ALDH3A1: variants seen among roughly 807,000 people sequenced by gnomAD.
The protein encoded by ALDH3A1 is aldehyde dehydrogenase, dimeric NADP-preferring.
A neutral mutation model predicts 49.9 loss-of-function variants in ALDH3A1; 46 were observed. That is an observed-to-expected ratio of 0.92 (90% CI 0.73 to 1.18). The LOEUF (loss-of-function observed/expected upper bound fraction) is 1.18, where lower values mean the gene tolerates loss of function less well. Among genes scored for constraint, ALDH3A1 ranks in the 50% most tolerant of loss-of-function variants. ALDH3A1 has a pLI of 0.00. For synonymous variants in ALDH3A1, 269 were observed against 253.3 expected (o/e 1.06, Z -0.59); for missense variants, 592 against 611.8 (o/e 0.97, Z 0.34).
rs555443127 is a variant in ALDH3A1, at chr17:19,738,156, C to T, written c.*65G>A. 1.2e-6 allele frequency: 2 copies of T among 1,611,876 alleles called. No homozygotes were observed. Among genetic ancestry groups the T allele is most frequent in the African/African-American group, 1.3e-5 (1 of 74,990 alleles). On this transcript the variant is annotated 3_prime_UTR_variant, in exon 11 of 11. Transcript: ENST00000225740. ...AGCGATTCTCCCAGGGCCAGGAGAG[C>T]CAGTGAGGGTGGTCCGCACTCCGAT... is the stretch of plus-strand genomic sequence containing the variant.
At chr17:19,746,618 TGTGTGCGTGTGTGTGTGTGC>T (rs1467328080) in intron 1 of ALDH3A1, among the ~76,000 whole-genome samples, 1 of 149,144 alleles carries the variant, frequency 6.7e-6, no homozygotes, top group African/African-American at 2.5e-5. Flanking sequence ...TGCATGTGTG[TGTGTGCGTGTGTGTGTGTGC>T]GTGTGCGTGT....
rs1597665900 is a variant in ALDH3A1, at chr17:19,740,170, C to G, written c.949+166G>C. On this transcript the variant is annotated intron_variant, in intron 7 of 10. Transcript: ENST00000225740. ...TTCTGAGGTTGAAGCAGGGGCTGTC[C>G]TCAGCCCCTGCCTGCTGGAGTCTAC... 2.5e-5 allele frequency: 21 copies of G among 825,774 alleles called. No individual in the cohort carries two copies. In the East Asian group the frequency reaches 5.7e-4, roughly 22 times the overall value. The allele number at this position is 825,774 out of a possible 1,614,324, so 51.2% of individuals were successfully genotyped here.
chr17:19,742,751 T>C lies in ALDH3A1; in HGVS notation c.395-121A>G, dbSNP rs1003207277. The stretch of plus-strand genomic sequence containing the variant: ...GTCCTCGGGACAGTGGATGGAAGAG[T>C]TGTTAGCAAACAAGCACATGTCACG... On this transcript the variant is annotated intron_variant, in intron 3 of 10. Coordinates refer to ENST00000225740, the MANE Select transcript of ALDH3A1 (RefSeq NM_000691.5). 5 of 1,558,278 alleles carry C rather than the reference T, an allele frequency of 3.2e-6. No homozygotes were observed. In the African/African-American group the frequency reaches 6.8e-5, roughly 21 times the overall value.
At chr17:19,738,696 G>C (rs1249700492) in intron 9 of ALDH3A1, among the ~76,000 whole-genome samples, 1 of 152,194 alleles carries the variant, frequency 6.6e-6, no homozygotes, top group African/African-American at 2.4e-5. Flanking sequence ...CACACTGTGG[G>C]AGTGCCCAGC....
chr17:19,741,072 T>G, intron 6 of ALDH3A1, 21 bp downstream of exon 6: 1 of 1,598,612 alleles, frequency 6.3e-7, no homozygotes, highest in Non-Finnish European at 8.6e-7. Context: ...CATCCCACCC[T>G]GCCAAGGGGT....
intron 1 of ALDH3A1, among the ~76,000 whole-genome samples, chr17:19,747,112 T>C (rs938556400): frequency 1.7e-4 from 26 of 152,124 alleles, no homozygotes; most frequent in Admixed American, 4.6e-4. Context: ...AAATAGGGTA[T>C]TTCCATTTTT....
At chr17:19,746,712 TG>T (rs770548818) in intron 1 of ALDH3A1, among the ~76,000 whole-genome samples, 23 of 146,678 alleles carry the variant, frequency 1.6e-4, no homozygotes, top group Non-Finnish European at 3.1e-4. Context: ...TGTGTGTGCA[TG>T]TGCGTGTGTG....
intron 3 of ALDH3A1, chr17:19,742,890 G>A (rs1457248616): frequency 1.3e-6 from 2 of 1,529,388 alleles, no homozygotes; most frequent in Admixed American, 3.9e-5. Flanking sequence ...AGGAAAAGCA[G>A]AAAGGGGAGA....
chr17:19,738,171 C>T lies in ALDH3A1; in HGVS notation c.*50G>A. ...GCCAGGAGAGCCAGTGAGGGTGGTC[C>T]GCACTCCGATGGGACACAGTATGGC... is the stretch of plus-strand genomic sequence containing the variant. On this transcript the variant is annotated 3_prime_UTR_variant, in exon 11 of 11. Transcript: ENST00000225740. 1 of 1,612,918 alleles carries T rather than the reference C, an allele frequency of 6.2e-7. No individual in the cohort carries two copies. Among genetic ancestry groups the T allele is most frequent in the Non-Finnish European group, 8.5e-7 (1 of 1,179,954 alleles).
intron 9 of ALDH3A1, 129 bp from the exon 10 acceptor site, chr17:19,738,582 C>T: frequency 7.3e-7 from 1 of 1,362,662 alleles, no homozygotes; most frequent in Non-Finnish European, 1.0e-6. Flanking sequence ...CACCATCACC[C>T]ATCCTTCCCT....
chr17:19,744,980 T>G lies in ALDH3A1; in HGVS notation c.150A>C (p.Ala50=), dbSNP rs2086573775. 2 of 1,422,828 alleles carry G rather than the reference T, an allele frequency of 1.4e-6. No individual in the cohort carries two copies. Among genetic ancestry groups the G allele is most frequent in the Non-Finnish European group, 1.9e-6 (2 of 1,077,456 alleles). 88.1% of individuals were successfully genotyped at this position (1,422,828 alleles called of 1,614,324 possible). ...QEQELVGALA[A]DLHKNEWNAY... is the part of the protein sequence containing the mutation. ...CCAGCCTGAGCACCTTGTGCAGGTC[T>G]GCGGCCAGCGCGCCCACCAGCTCCT... The change falls in exon 2 of 11, where the codon GCA becomes GCC. Residue 50 remains alanine, a synonymous_variant. Coordinates refer to ENST00000225740, the MANE Select transcript of ALDH3A1 (RefSeq NM_000691.5).
chr17:19,743,071 G>A lies in ALDH3A1; in HGVS notation c.394+161C>T. ...AGCCTGACTGGACCTCAGGCACCAA[G>A]AGGCCTGGCTAAACAGCTTGGTCCC... On this transcript the variant is annotated intron_variant, in intron 3 of 10. Transcript: ENST00000225740. The surrounding 1 kb of genome is among the most constrained non-coding windows in gnomAD (Gnocchi z 4.4). 1.3e-6 allele frequency: 2 copies of A among 1,534,442 alleles called. No homozygotes were observed. The highest frequency in any genetic ancestry group is 1.7e-6 in the Non-Finnish European group (2 of 1,146,382).
chr17:19,739,144 C>T, intron 8 of ALDH3A1, 49 bp from the exon 9 acceptor site: 1 of 1,546,834 alleles, frequency 6.5e-7, no homozygotes, highest in Non-Finnish European at 8.8e-7. Flanking sequence ...CACAGGATGC[C>T]CCAGCCCCCA....
chr17:19,744,938 T>G (rs2086572846), intron 2 of ALDH3A1, 30 bp downstream of exon 2: 5 of 929,714 alleles, frequency 5.4e-6, no homozygotes, highest in Non-Finnish European at 7.0e-6. Context: ...GCCCCGACAC[T>G]GGCAGAAGGC....
chr17:19,742,088 T>C lies in ALDH3A1; in HGVS notation c.605A>G (p.Lys202Arg), dbSNP rs1372131936. The C allele has an allele frequency of 6.2e-7, 1 of 1,613,878 alleles. No homozygotes were observed. The highest frequency in any genetic ancestry group is 8.5e-7 in the Non-Finnish European group (1 of 1,180,022). Residue 202 changes from lysine to arginine, a missense_variant, in exon 5 of 11, where the codon AAG becomes AGG. Lys to Arg is a conservative substitution (Grantham distance 26). Coordinates refer to ENST00000225740, the MANE Select transcript of ALDH3A1 (RefSeq NM_000691.5). ...CTCCAGCGTGACAGGGGTCAGGTGC[T>C]TGGCAGCAGCCGTCATGATGATCTT... ...VGKIIMTAAAKHLTPVTLELG... is the reference protein window; with the variant it reads ...VGKIIMTAAARHLTPVTLELG...
At chr17:19,741,894 G>T in intron 5 of ALDH3A1, 110 bp downstream of exon 5, 5 of 1,083,726 alleles carry the variant, frequency 4.6e-6, no homozygotes, top group Non-Finnish European at 6.7e-6. Flanking sequence ...TGCTCCATGA[G>T]GCAGGGGGTG....
rs1054343079 is a variant in ALDH3A1 at position 19,744,910 on chromosome 17, C to CT, written c.162+57_162+58insA. ...GGTCGCACTCTCCCCAGCCCCTCCC[C>CT]CCACGCCCCATCGCATGGCCCCGAC... is the stretch of plus-strand genomic sequence containing the variant. On this transcript the variant is annotated intron_variant, in intron 2 of 10. Coordinates refer to ENST00000225740, the MANE Select transcript of ALDH3A1 (RefSeq NM_000691.5). 12 of 1,067,480 alleles carry CT rather than the reference C, an allele frequency of 1.1e-5. 1 individual carries two copies. Among genetic ancestry groups the CT allele is most frequent in the Admixed American group, 3.5e-5 (1 of 28,842 alleles). The allele number at this position is 1,067,480 out of a possible 1,614,324, so 66.1% of individuals were successfully genotyped here. A position where few individuals can be genotyped will look rare whatever the true frequency, so the allele number is the denominator to read the frequency against.
At chr17:19,747,859 G>A (rs1204333968) in intron 1 of ALDH3A1, 1 of 157,630 alleles carries the variant, frequency 6.3e-6, no homozygotes. Flanking sequence ...TACAGATGAG[G>A]AAAGGGAGAC....
At chr17:19,740,174 G>T in intron 7 of ALDH3A1, 162 bp downstream of exon 7, 1 of 866,090 alleles carries the variant, frequency 1.2e-6, no homozygotes, top group Non-Finnish European at 1.7e-6. Context: ...GCTGTCCTCA[G>T]CCCCTGCCTG....
Sources: gnomAD v4.1 joint callset for allele counts (sites outside exome capture counted in the v4.1 genomes callset) on GRCh38, gnomAD v4.1.1 for gene constraint, Gnocchi (gnomAD v3.1) non-coding constraint, MANE v1.5 for transcripts, NCBI Gene and HGNC (gene_info 2026-07-23, HGNC 2026-07-21) for gene names.